SPP1: variants seen among roughly 807,000 people sequenced by gnomAD.
SPP1 encodes the protein secreted phosphoprotein 1.
SPP1 carries 18 observed loss-of-function variants against 20.8 expected under a neutral mutation model. The ratio of observed to expected loss-of-function variants is 0.87; its 90% CI spans 0.60 to 1.29. The LOEUF (loss-of-function observed/expected upper bound fraction) is 1.29. Ranked by LOEUF, SPP1 falls within the 50% of genes most tolerant of loss-of-function variation. The pLI is 0.00. For synonymous variants in SPP1, 146 were observed against 141.5 expected (o/e 1.03, Z -0.23); for missense variants, 363 against 389.0 (o/e 0.93, Z 0.56).
chr4:87,978,642 A>C (rs987744673), intron 3 of SPP1, among the ~76,000 whole-genome samples: 13 of 152,064 alleles, frequency 8.5e-5, no homozygotes, highest in Admixed American at 6.6e-4. Context: ...TTGGCCTCCC[A>C]AAGTGCTGGG....
At chr4:87,976,553 A>C (rs1725382798) in intron 1 of SPP1, among the ~76,000 whole-genome samples, 1 of 152,150 alleles carries the variant, frequency 6.6e-6, no homozygotes. Flanking sequence ...TAATTAAGTT[A>C]CTGTTGATCT....
Position 87,982,611 on chromosome 4 carries a change from TG to T in SPP1, c.663del (p.Lys222ArgfsTer39). ...ACGCGCCTTCTGATTGGGACAGCCG[TG>T]GGAAGGACAGTTATGAAACGAGTCA... ...LNAPSDWDSRGKDSYETSQLD... is the reference protein window; with the variant it reads ...LNAPSDWDSRXKDSYETSQLD... On this transcript the variant is annotated frameshift_variant, in exon 7 of 7. Coordinates refer to ENST00000395080, the MANE Select transcript of SPP1 (RefSeq NM_001040058.2). LOFTEE classifies it low-confidence loss of function (END_TRUNC). 1 of 1,613,922 alleles carries T rather than the reference TG, an allele frequency of 6.2e-7. No individual in the cohort carries two copies. Among genetic ancestry groups the T allele is most frequent in the South Asian group, 1.1e-5 (1 of 91,068 alleles).
chr4:87,981,347 G>C, intron 5 of SPP1, 128 bp from the exon 6 acceptor site: 1 of 797,836 alleles, frequency 1.3e-6, no homozygotes. Context: ...AAAAGCCATG[G>C]TATGTACTGT....
At position 87,982,537 on chromosome 4, in the gene SPP1, G is replaced by A. The variant is rs551207590; in HGVS notation, c.586G>A (p.Glu196Lys). 1.9e-4 allele frequency: 301 copies of A among 1,614,128 alleles called. 3 individuals carry two copies. In the South Asian group the frequency reaches 2.5e-3, roughly 13 times the overall value. ...GGACATCACCTCACACATGGAAAGC[G>A]AGGAGTTGAATGGTGCATACAAGGC... ...DEDITSHMESEELNGAYKAIP... is the reference protein window; with the variant it reads ...DEDITSHMESKELNGAYKAIP... Residue 196 changes from glutamate (E) to lysine (K), a missense_variant, in exon 7 of 7, where the codon GAG becomes AAG. Transcript: ENST00000395080.
intron 4 of SPP1, 40 bp from the exon 5 acceptor site, chr4:87,980,353 C>T (rs1178385376): frequency 6.2e-7 from 1 of 1,607,502 alleles, no homozygotes; most frequent in African/African-American, 1.3e-5. Flanking sequence ...AAAAGCTAGG[C>T]ATGTGTGATG....
rs1309518339 is a variant in SPP1 at position 87,977,094 on chromosome 4, G to A, written c.90G>A (p.Lys30=). The change falls in exon 3 of 7, where the codon AAG becomes AAA. Residue 30 remains lysine, a synonymous_variant. Transcript: ENST00000395080. ...KQADSGSSEE[K]QLYNKYPDAV... The stretch of plus-strand genomic sequence containing the variant: ...CTGATTCTGGAAGTTCTGAGGAAAA[G>A]CAGGTAAGCATCTTTTATGTTTTTA... 1.2e-6 allele frequency: 2 copies of A among 1,613,452 alleles called. No homozygotes were observed. The highest frequency in any genetic ancestry group is 1.7e-6 in the Non-Finnish European group (2 of 1,179,882).
chr4:87,982,808 T>C lies in SPP1; in HGVS notation c.857T>C (p.Val286Ala). ...TTTCACAGCCATGAAGATATGCTGG[T>C]TGTAGACCCCAAAAGTAAGGAAGAA... ...HEFHSHEDML[V>A]VDPKSKEEDK... is the part of the protein sequence containing the mutation. Residue 286 changes from valine (V) to alanine (A), a missense_variant, in exon 7 of 7, where the codon GTT (valine) becomes GCT (alanine). Coordinates refer to ENST00000395080, the MANE Select transcript of SPP1 (RefSeq NM_001040058.2). 6.2e-7 allele frequency: 1 copy of C among 1,614,188 alleles called. No individual in the cohort carries two copies. Among genetic ancestry groups the C allele is most frequent in the Non-Finnish European group, 8.5e-7 (1 of 1,180,014 alleles).
At chr4:87,978,507 T>C (rs1026220766) in intron 3 of SPP1, among the ~76,000 whole-genome samples, 9 of 148,946 alleles carry the variant, frequency 6.0e-5, no homozygotes, top group Middle Eastern at 3.5e-3. Flanking sequence ...CCCATTCTCC[T>C]GAGTAGCTGG....
At chr4:87,977,640 T>C (rs1725434993) in intron 3 of SPP1, 2 of 1,120,522 alleles carry the variant, frequency 1.8e-6, no homozygotes, top group Non-Finnish European at 2.2e-6. Flanking sequence ...AACCAAACTC[T>C]TTATTATAAT....
At chr4:87,980,337 G>T in intron 4 of SPP1, 56 bp from the exon 5 acceptor site, 1 of 1,599,318 alleles carries the variant, frequency 6.3e-7, no homozygotes, top group Non-Finnish European at 8.5e-7. Context: ...GTTAACTTTT[G>T]AATAAAAAAG....
intron 5 of SPP1, 30 bp downstream of exon 5, chr4:87,980,464 T>A: frequency 6.2e-7 from 1 of 1,612,128 alleles, no homozygotes; most frequent in South Asian, 1.1e-5. Flanking sequence ...CAGAGGCCCA[T>A]CATGCCTTGA....
Position 87,982,797 on chromosome 4 carries a change from A to C in SPP1, c.846A>C (p.Glu282Asp). 4 of 1,614,216 alleles carry C rather than the reference A, an allele frequency of 2.5e-6. No individual in the cohort carries two copies. The highest frequency in any genetic ancestry group is 3.4e-6 in the Non-Finnish European group (4 of 1,180,032). ...ACAGCCATGAATTTCACAGCCATGA[A>C]GATATGCTGGTTGTAGACCCCAAAA... ...EFHSHEFHSHEDMLVVDPKSK... is the reference protein window; with the variant it reads ...EFHSHEFHSHDDMLVVDPKSK... The change falls in exon 7 of 7, where the codon GAA becomes GAC. Residue 282 changes from glutamate to aspartate, a missense_variant. Transcript: ENST00000395080.
At chr4:87,977,881 TG>T in intron 3 of SPP1, 1 of 1,128,458 alleles carries the variant, frequency 8.9e-7, no homozygotes, top group Non-Finnish European at 1.1e-6. Flanking sequence ...TGTGGAGGGG[TG>T]TGTGTGTCTG....
chr4:87,981,640 G>A lies in SPP1; in HGVS notation c.382G>A (p.Glu128Lys), dbSNP rs1725650152. 6.2e-7 allele frequency: 1 copy of A among 1,614,050 alleles called. No individual in the cohort carries two copies. Among genetic ancestry groups the A allele is most frequent in the African/African-American group, 1.3e-5 (1 of 74,918 alleles). ...HQSDESHHSD[E>K]SDELVTDFPT... ...GTCTGATGAGTCTCACCATTCTGAT[G>A]AATCTGATGAACTGGTCACTGATTT... The change falls in exon 6 of 7, where the codon GAA becomes AAA. Residue 128 changes from glutamate (E) to lysine (K), a missense_variant. Transcript: ENST00000395080.
At chr4:87,977,153 G>A (rs1250395692) in intron 3 of SPP1, 56 bp downstream of exon 3, 9 of 1,547,190 alleles carry the variant, frequency 5.8e-6, no homozygotes, top group East Asian at 2.2e-5. Flanking sequence ...TATGGCGAGA[G>A]GTGCAAGAAA....
In SPP1 at chr4:87,982,621, AG is replaced by A. The variant is rs772321959; in HGVS notation, c.671del (p.Ser224IlefsTer37). On this transcript the variant is annotated frameshift_variant, in exon 7 of 7. Transcript: ENST00000395080. LOFTEE classifies it low-confidence loss of function (END_TRUNC). ...PSDWDSRGKD[S>X]YETSQLDDQS... ...TGATTGGGACAGCCGTGGGAAGGAC[AG>A]TTATGAAACGAGTCAGCTGGATGAC... The A allele has an allele frequency of 6.2e-7, 1 of 1,614,168 alleles. No homozygotes were observed. Among genetic ancestry groups the A allele is most frequent in the Non-Finnish European group, 8.5e-7 (1 of 1,180,032 alleles).
In SPP1 at chr4:87,978,055, A is replaced by C. The variant is rs183245673; in HGVS notation, c.93+958A>C. Reference sequence around the variant, plus strand: ...TGCATTTTAGAAGGCACGTGGAGCTATAACAATTTAAGAAATACGTGAAGA... The same window carrying C: ...TGCATTTTAGAAGGCACGTGGAGCTCTAACAATTTAAGAAATACGTGAAGA... On this transcript the variant is annotated intron_variant, in intron 3 of 6. Transcript: ENST00000395080. The C allele has an allele frequency of 7.6e-5, 14 of 184,764 alleles. No homozygotes were observed. In the Admixed American group the frequency reaches 8.2e-4, roughly 11 times the overall value. 11.4% of individuals were successfully genotyped at this position (184,764 alleles called of 1,614,324 possible). A position where few individuals can be genotyped will look rare whatever the true frequency, so the allele number is the denominator to read the frequency against.
rs562862549 is a variant in SPP1 at position 87,978,380 on chromosome 4, T to A, written c.93+1283T>A. Among the ~76,000 whole-genome samples, 12 of 150,546 alleles carry A rather than the reference T, an allele frequency of 8.0e-5. No homozygotes were observed. The East Asian group carries it at 1.8e-3, about 22-fold the overall frequency. On this transcript the variant is annotated intron_variant, in intron 3 of 6. Coordinates refer to ENST00000395080, the MANE Select transcript of SPP1 (RefSeq NM_001040058.2). ...TGAACTCATCTGGTCTCACTGTTTTTCCGCCTTCTTTTTTTTTTTTTTTTT... is the reference window on the plus strand; with the variant it reads ...TGAACTCATCTGGTCTCACTGTTTTACCGCCTTCTTTTTTTTTTTTTTTTT...
intron 6 of SPP1, 55 bp from the exon 7 acceptor site, chr4:87,982,437 A>C: frequency 6.4e-7 from 1 of 1,568,440 alleles, no homozygotes; most frequent in Non-Finnish European, 8.7e-7. Flanking sequence ...AAGGATTACC[A>C]TATTCCCATC....
Sources: gnomAD v4.1 joint callset for allele counts (sites outside exome capture counted in the v4.1 genomes callset) on GRCh38, gnomAD v4.1.1 for gene constraint, MANE v1.5 for transcripts, NCBI Gene and HGNC (gene_info 2026-07-23, HGNC 2026-07-21) for gene names.